Variants in PRKG2 observed in about 807,000 individuals in gnomAD.
PRKG2 encodes protein kinase cGMP-dependent 2.
In PRKG2, 33 loss-of-function variants were observed where a neutral mutation model predicts 97.2. That is an observed-to-expected ratio of 0.34 (90% CI 0.26 to 0.45). The LOEUF (loss-of-function observed/expected upper bound fraction) is 0.45. Among genes scored for constraint, PRKG2 ranks in the 20% least tolerant of loss-of-function variants. PRKG2 has a pLI of 1.00. For missense variants in PRKG2, 638 were observed against 900.0 expected, an observed-to-expected ratio of 0.71 and a Z score of 3.73; for synonymous variants, 330 against 321.8, an observed-to-expected ratio of 1.03 and a Z score of -0.27.
chr4:81,104,661 GTA>G (rs1234212201), intron 16 of PRKG2, among the ~76,000 whole-genome samples: 6 of 150,720 alleles, frequency 4.0e-5, no homozygotes, highest in Non-Finnish European at 1.5e-5. Context: ...ACTTCGGAGT[GTA>G]TATATATATA....
chr4:81,153,658 A>G lies in PRKG2; in HGVS notation c.976T>C (p.Leu326=). The G allele has an allele frequency of 6.3e-7, 1 of 1,595,704 alleles. No individual in the cohort carries two copies. Among genetic ancestry groups the G allele is most frequent in the Non-Finnish European group, 8.6e-7 (1 of 1,163,416 alleles). Residue 326 remains leucine (L), a synonymous_variant, in exon 7 of 19, where the codon TTG becomes CTG. Coordinates refer to ENST00000264399, the MANE Select transcript of PRKG2 (RefSeq NM_006259.3). The stretch of plus-strand genomic sequence containing the variant: ...TTAATAGTTACCTTTCCTTTTGCCA[A>G]AATGAAAAAGGTACTTCCTTCCTCG... ...EGEEGSTFFI[L]AKGKVKVTQS... is the part of the protein sequence containing the mutation.
chr4:81,145,311 T>C (rs190375026), intron 9 of PRKG2, among the ~76,000 whole-genome samples: 78 of 152,320 alleles, frequency 5.1e-4, no homozygotes, highest in Middle Eastern at 3.4e-3. Context: ...TTACATGATG[T>C]GTTTACTGAA....
chr4:81,182,902 A>G lies in PRKG2; in HGVS notation c.462-7943T>C, dbSNP rs376778661. On this transcript the variant is annotated intron_variant, in intron 2 of 18. Transcript: ENST00000264399. ...AGAGAAAACCTAACTAAATGGAGGA[A>G]TATACCATGGTCATAGATTAGAAGA... Among the ~76,000 whole-genome samples the G allele has an allele frequency of 1.9e-4, 29 of 152,244 alleles. 1 individual carries two copies. The highest frequency in any genetic ancestry group is 7.0e-4 in the African/African-American group (29 of 41,582).
intron 14 of PRKG2, among the ~76,000 whole-genome samples, chr4:81,134,551 C>T (rs1216347987): frequency 6.6e-6 from 1 of 152,100 alleles, no homozygotes; most frequent in Non-Finnish European, 1.5e-5. Context: ...TCACTGAAAG[C>T]AGTTTATGTG....
At chr4:81,147,701 G>A (rs1346163613) in intron 9 of PRKG2, among the ~76,000 whole-genome samples, 1 of 152,096 alleles carries the variant, frequency 6.6e-6, no homozygotes, top group Non-Finnish European at 1.5e-5. Context: ...CTCCAACACA[G>A]GGAGCACTGC....
At chr4:81,092,086 G>T (rs1741596756) in intron 18 of PRKG2, among the ~76,000 whole-genome samples, 1 of 150,736 alleles carries the variant, frequency 6.6e-6, no homozygotes. Context: ...TACATACATT[G>T]TTCACATCAA....
rs138215411 is a variant in PRKG2, at chr4:81,138,053, G to A, written c.1545-571C>T. Among the ~76,000 whole-genome samples, 246 of 152,280 alleles carry A rather than the reference G, an allele frequency of 1.6e-3. 2 individuals carry two copies. The highest frequency in any genetic ancestry group is 5.4e-3 in the African/African-American group (224 of 41,546). Reference sequence around the variant, plus strand: ...TAGAATTGGGCTATGTTTTAGTTTCGACAAAAGCCTCAGCTTCAAGAGGCT... The same window carrying A: ...TAGAATTGGGCTATGTTTTAGTTTCAACAAAAGCCTCAGCTTCAAGAGGCT... On this transcript the variant is annotated intron_variant, in intron 12 of 18. Coordinates refer to ENST00000264399, the MANE Select transcript of PRKG2 (RefSeq NM_006259.3).
Position 81,104,303 on chromosome 4 carries a change from G to A in PRKG2, c.2126+67C>T, listed in dbSNP as rs147374182. The A allele has an allele frequency of 2.1e-4, 254 of 1,215,716 alleles. No homozygotes were observed. In the East Asian group the frequency reaches 4.6e-3, roughly 22 times the overall value. The allele number at this position is 1,215,716 out of a possible 1,614,324, so 75.3% of individuals were successfully genotyped here. On this transcript the variant is annotated intron_variant, in intron 17 of 18. Transcript: ENST00000264399. ...GGACCTTTGTGGCCTCCTGAGAGAA[G>A]CTTTTGCAAGTACCACATTGTTCTC...
rs899871798 is a variant in PRKG2, at chr4:81,110,516, G to T, written c.1872C>A (p.Asn624Lys). The T allele has an allele frequency of 6.2e-7, 1 of 1,613,772 alleles. No individual in the cohort carries two copies. Among genetic ancestry groups the T allele is most frequent in the Non-Finnish European group, 8.5e-7 (1 of 1,179,892 alleles). The part of the protein sequence containing the change: ...PEYVAPEVIL[N>K]KGHDFSVDFW... ...AATCCACACTGAAGTCATGTCCCTT[G>T]TTGAGAATGACTTCAGGAGCTACAT... Residue 624 changes from asparagine (N) to lysine (K), a missense_variant, in exon 15 of 19, where the codon AAC becomes AAA. Asn to Lys is a moderately conservative substitution (Grantham distance 94). Around this residue, in one of 3 missense-constraint regions of PRKG2, gnomAD observed 304 missense variants for 460.5 expected, o/e 0.66. Transcript: ENST00000264399.
At chr4:81,120,533 C>T (rs1397989112) in intron 14 of PRKG2, among the ~76,000 whole-genome samples, 1 of 152,016 alleles carries the variant, frequency 6.6e-6, no homozygotes, top group Non-Finnish European at 1.5e-5. Flanking sequence ...ATATTTAAAC[C>T]TATTTCATTT....
chr4:81,160,730 T>C (rs1440409367), intron 6 of PRKG2, among the ~76,000 whole-genome samples: 1 of 152,194 alleles, frequency 6.6e-6, no homozygotes, highest in Non-Finnish European at 1.5e-5. Flanking sequence ...CCTCATGAAA[T>C]CTTAAATTAT....
intron 6 of PRKG2, among the ~76,000 whole-genome samples, chr4:81,158,483 G>T (rs548170835): frequency 0.012 from 1,690 of 146,028 alleles, 14 homozygotes; most frequent in Non-Finnish European, 0.017. Flanking sequence ...CCATGCTCAT[G>T]GGTAGGAAGA....
At chr4:81,116,121 A>T (rs1050749270) in intron 14 of PRKG2, among the ~76,000 whole-genome samples, 7 of 152,278 alleles carry the variant, frequency 4.6e-5, no homozygotes, top group African/African-American at 1.7e-4. Context: ...TGTACAGATT[A>T]TCTCATCATC....
chr4:81,167,331 C>T (rs1750073704), intron 5 of PRKG2, 107 bp from the exon 6 acceptor site: 1 of 631,990 alleles, frequency 1.6e-6, no homozygotes, highest in Non-Finnish European at 2.6e-6. Flanking sequence ...ATATAATGCA[C>T]TTTGATTCTT....
intron 12 of PRKG2, among the ~76,000 whole-genome samples, chr4:81,138,959 G>A (rs532533946): frequency 6.6e-6 from 1 of 152,278 alleles, no homozygotes; most frequent in South Asian, 2.1e-4. Context: ...TAGGGAGAAA[G>A]AGTCTTTTAA....
intron 2 of PRKG2, among the ~76,000 whole-genome samples, chr4:81,194,742 T>C (rs1752840965): frequency 6.6e-6 from 1 of 152,234 alleles, no homozygotes; most frequent in South Asian, 2.1e-4. Flanking sequence ...TAATTATCAT[T>C]GTGTTGCATG....
At chr4:81,122,545 A>G (rs1168265913) in intron 14 of PRKG2, among the ~76,000 whole-genome samples, 1 of 152,196 alleles carries the variant, frequency 6.6e-6, no homozygotes, top group Non-Finnish European at 1.5e-5. Flanking sequence ...TTATTAAGAA[A>G]GGACACACCA....
Position 81,205,040 on chromosome 4 carries a change from T to C in PRKG2, c.8A>G (p.Asn3Ser). The change falls in exon 2 of 19, where the codon AAT becomes AGT. Residue 3 changes from asparagine (N) to serine (S), a missense_variant. Coordinates refer to ENST00000264399, the MANE Select transcript of PRKG2 (RefSeq NM_006259.3). ...AGAATGTTTAGGTTTCACTGAACCA[T>C]TTCCCATTTTGCTCAGGGACCTGAG... Reference protein sequence around the residue: MGNGSVKPKHSKH... With the variant: MGSGSVKPKHSKH... 6.2e-7 allele frequency: 1 copy of C among 1,601,958 alleles called. No homozygotes were observed. Among genetic ancestry groups the C allele is most frequent in the Non-Finnish European group, 8.5e-7 (1 of 1,174,014 alleles).
In PRKG2 at chr4:81,204,729, G is replaced by A. The variant is rs375411166; in HGVS notation, c.319C>T (p.Arg107Trp). ...AGAGAGACCAATCCAGAGGTCTTCCGGTGGACCTCAAGAGGCACTTTATCT... is the reference window on the plus strand; with the variant it reads ...AGAGAGACCAATCCAGAGGTCTTCCAGTGGACCTCAAGAGGCACTTTATCT... ...SPDKVPLEVH[R>W]KTSGLVSLHS... The change falls in exon 2 of 19, where the codon CGG becomes TGG. Residue 107 changes from arginine to tryptophan, a missense_variant. Physicochemically the swap from Arg to Trp is moderately radical, Grantham distance 101. This residue lies in a region of PRKG2 where 332 missense variants were observed against 421.7 expected (regional missense o/e 0.79). Transcript: ENST00000264399. The A allele has an allele frequency of 6.8e-5, 110 of 1,614,048 alleles. No homozygotes were observed. The highest frequency in any genetic ancestry group is 7.8e-5 in the Non-Finnish European group (92 of 1,180,032).
Sources: gnomAD v4.1 joint callset for allele counts (sites outside exome capture counted in the v4.1 genomes callset) on GRCh38, gnomAD v4.1.1 for gene constraint, gnomAD v4.1.1 regional missense constraint, MANE v1.5 for transcripts, NCBI Gene and HGNC (gene_info 2026-07-23, HGNC 2026-07-21) for gene names.